Variants in GLYATL2 observed in about 807,000 individuals in gnomAD.
GLYATL2 encodes glycine N-acyltransferase-like protein 2.
In GLYATL2, 25 loss-of-function variants were observed where a neutral mutation model predicts 21.4. That is an observed-to-expected ratio of 1.17 (90% confidence interval 0.85 to 1.63). The LOEUF is 1.63. GLYATL2 is among the 40% of genes most tolerant of loss of function. The pLI is 0.00. For missense variants in GLYATL2, 361 were observed against 343.3 expected (o/e 1.05, Z -0.41); for synonymous variants, 114 against 118.2 (o/e 0.96, Z 0.23).
intron 1 of GLYATL2, among the ~76,000 whole-genome samples, chr11:58,899,328 T>G (rs67378754): frequency 0.17 from 26,425 of 151,748 alleles, 2,825 homozygotes; most frequent in Non-Finnish European, 0.25. Flanking sequence ...CGTTTCTCAG[T>G]CAGTGTGGGG....
At position 58,834,493 on chromosome 11, in the gene GLYATL2, A is replaced by G. The variant is rs768290766; in HGVS notation, c.821T>C (p.Leu274Ser). 1.9e-6 allele frequency: 3 copies of G among 1,612,858 alleles called. No individual in the cohort carries two copies. The highest frequency in any genetic ancestry group is 2.5e-6 in the Non-Finnish European group (3 of 1,179,672). ...GCCACAAGGACAAATCTTAAACCCC[A>G]AATTGTTCAGTGCCTGTAGGCTTTT... ...NEKSLQALNN[L>S]GFKICPCGWH... Residue 274 changes from leucine (L) to serine (S), a missense_variant, in exon 6 of 6, where the codon TTG becomes TCG. Leu to Ser is a moderately radical substitution (Grantham distance 145). Transcript: ENST00000287275.
intron 3 of GLYATL2, 46 bp downstream of exon 3, chr11:58,838,215 C>T (rs368133507): frequency 4.0e-5 from 49 of 1,234,700 alleles, no homozygotes; most frequent in South Asian, 8.7e-5. Context: ...ATGCAGAGAA[C>T]GTCTGGAGAG....
intron 1 of GLYATL2, among the ~76,000 whole-genome samples, chr11:58,874,515 C>T (rs1229772926): frequency 6.6e-6 from 1 of 152,186 alleles, no homozygotes; most frequent in Admixed American, 6.5e-5. Context: ...TTTCAAAGAA[C>T]ATCTTTATTT....
In GLYATL2 at chr11:58,881,281, T is replaced by TA. The variant is rs1854329435; in HGVS notation, n.60+22874dup. Among the ~76,000 whole-genome samples, 5 of 152,176 alleles carry TA rather than the reference T, an allele frequency of 3.3e-5. No homozygotes were observed. In the South Asian group the frequency reaches 1.0e-3, roughly 31 times the overall value. On this transcript the variant is annotated intron_variant and non_coding_transcript_variant, in intron 1 of 4. Coordinates refer to the GLYATL2 transcript ENST00000533636. ...TGAGGTTCTGATTCATTAAACAACT[T>TA]AAAAAAGAAGTAGGAGACAGAACTG...
intron 1 of GLYATL2, among the ~76,000 whole-genome samples, chr11:58,902,844 T>C (rs1260930111): frequency 6.6e-6 from 1 of 152,210 alleles, no homozygotes; most frequent in Non-Finnish European, 1.5e-5. Context: ...CACAGCCCCA[T>C]GTAAGCATTA....
chr11:58,863,721 A>T (rs1475906622), intron 1 of GLYATL2, among the ~76,000 whole-genome samples: 1 of 152,092 alleles, frequency 6.6e-6, no homozygotes, highest in Non-Finnish European at 1.5e-5. Flanking sequence ...CCTAGAACCT[A>T]GGTCTTCAGG....
rs556865466 is a variant in GLYATL2, at chr11:58,838,333, G to A, written c.114C>T (p.Asn38=). Residue 38 remains asparagine (N), a synonymous_variant, in exon 3 of 6, where the codon AAC becomes AAT. Coordinates refer to ENST00000287275, the MANE Select transcript of GLYATL2 (RefSeq NM_145016.4). ...CTACCAGCACCTCCATGTTGAAAGG[G>A]TTTTTATCTTTTATGTTGAAAATGG... is the stretch of plus-strand genomic sequence containing the variant. The part of the protein sequence containing the change: ...YGAIFNIKDK[N]PFNMEVLVDA... The A allele has an allele frequency of 3.7e-6, 6 of 1,613,154 alleles. No individual in the cohort carries two copies. Among genetic ancestry groups the A allele is most frequent in the East Asian group, 2.2e-5 (1 of 44,852 alleles).
intron 1 of GLYATL2, among the ~76,000 whole-genome samples, chr11:58,902,223 C>A (rs1207136924): frequency 6.6e-6 from 1 of 151,832 alleles, no homozygotes; most frequent in Non-Finnish European, 1.5e-5. Context: ...CACAGGAGGA[C>A]AGGAAAAAAA....
chr11:58,837,441 T>G, intron 3 of GLYATL2, 44 bp from the exon 4 acceptor site: 2 of 1,568,814 alleles, frequency 1.3e-6, no homozygotes, highest in Non-Finnish European at 1.8e-6. Context: ...CGCTACAATT[T>G]ACAAAATGTT....
chr11:58,872,644 G>A (rs972565331), intron 1 of GLYATL2, among the ~76,000 whole-genome samples: 3 of 152,190 alleles, frequency 2.0e-5, no homozygotes, highest in East Asian at 1.9e-4. Context: ...ATTGATCTAT[G>A]TCTCTGTTTT....
intron 4 of GLYATL2, 27 bp downstream of exon 4, chr11:58,837,244 C>G (rs2134569367): frequency 6.2e-7 from 1 of 1,613,030 alleles, no homozygotes; most frequent in Non-Finnish European, 8.5e-7. Context: ...AACCATGGAT[C>G]TTTTTCTTTT....
intron 1 of GLYATL2, among the ~76,000 whole-genome samples, chr11:58,885,190 T>C (rs1404902898): frequency 1.3e-5 from 2 of 152,248 alleles, no homozygotes; most frequent in Non-Finnish European, 2.9e-5. Context: ...GCTAAGAGCA[T>C]TGACAAGTGC....
upstream of GLYATL2, among the ~76,000 whole-genome samples, chr11:58,906,647 C>G (rs532785067): frequency 6.6e-6 from 1 of 152,130 alleles, no homozygotes; most frequent in South Asian, 2.1e-4. Context: ...CTCCCCGGGG[C>G]AGAGATTTAG....
chr11:58,834,860 A>G (rs1236360663), intron 5 of GLYATL2, 23 bp from the exon 6 acceptor site: 15 of 1,528,164 alleles, frequency 9.8e-6, no homozygotes, highest in Admixed American at 2.1e-5. Flanking sequence ...AGAATTTTAC[A>G]TTTATTCAGC....
At chr11:58,906,070 G>C (rs1486268247), upstream of GLYATL2, among the ~76,000 whole-genome samples, 1 of 152,176 alleles carries the variant, frequency 6.6e-6, no homozygotes, top group East Asian at 1.9e-4. Context: ...GGGAGCAGCG[G>C]GCACTAGCAC....
intron 1 of GLYATL2, among the ~76,000 whole-genome samples, chr11:58,898,593 C>T (rs562393503): frequency 2.7e-4 from 41 of 151,784 alleles, no homozygotes; most frequent in Non-Finnish European, 2.4e-4. Context: ...CCAGCACTTT[C>T]GGAGACCGAG....
intron 1 of GLYATL2, among the ~76,000 whole-genome samples, chr11:58,870,145 G>A (rs1249866704): frequency 2.0e-5 from 3 of 152,134 alleles, no homozygotes. Flanking sequence ...ATGGGGCACA[G>A]GAGCATTGCA....
chr11:58,837,189 A>G lies in GLYATL2; in HGVS notation c.314-12T>C, dbSNP rs755761252. The G allele has an allele frequency of 2.5e-6, 4 of 1,613,268 alleles. No homozygotes were observed. The highest frequency in any genetic ancestry group is 3.4e-6 in the Non-Finnish European group (4 of 1,179,750). On this transcript the variant is annotated splice_polypyrimidine_tract_variant and intron_variant, in intron 4 of 5. Coordinates refer to ENST00000287275, the MANE Select transcript of GLYATL2 (RefSeq NM_145016.4). ...GCCCTCTTGGCAACCTGGAGAAAGG[A>G]GAAAGACAAGTACCACTTTATGCCT...
At chr11:58,862,739 C>T (rs1228578665) in intron 1 of GLYATL2, among the ~76,000 whole-genome samples, 1 of 152,118 alleles carries the variant, frequency 6.6e-6, no homozygotes, top group African/African-American at 2.4e-5. Flanking sequence ...TCTCTTGAAG[C>T]TCACTGTGTA....
Sources: gnomAD v4.1 joint callset for allele counts (sites outside exome capture counted in the v4.1 genomes callset) on GRCh38, gnomAD v4.1.1 for gene constraint, MANE v1.5 for transcripts, NCBI Gene and HGNC (gene_info 2026-07-23, HGNC 2026-07-21) for gene names.